Variants in GRID2 observed in about 807,000 individuals in gnomAD.
GRID2 encodes the protein glutamate ionotropic receptor delta type subunit 2, also known as glutamate receptor ionotropic, delta-2.
Under a neutral mutation model 114.8 loss-of-function variants are expected in GRID2, and 33 were observed. That is an observed-to-expected ratio of 0.29 (90% CI 0.22 to 0.38). The LOEUF is 0.38. GRID2 is among the 10% of genes least tolerant of loss of function. The pLI, the probability that GRID2 is intolerant of heterozygous loss-of-function variation, is 1.00. For missense variants in GRID2, 1,184 were observed against 1,257.7 expected, an observed-to-expected ratio of 0.94 and a Z score of 0.89; for synonymous variants, 505 against 449.9, an observed-to-expected ratio of 1.12 and a Z score of -1.55.
At chr4:92,321,374 G>A (rs115652550) in intron 1 of GRID2, among the ~76,000 whole-genome samples, 1,731 of 152,256 alleles carry the variant, frequency 0.011, 22 homozygotes, top group African/African-American at 0.039. Flanking sequence ...TTGTGTGTGC[G>A]CAAAAACACT....
chr4:93,061,866 C>T (rs952837509), intron 2 of GRID2, among the ~76,000 whole-genome samples: 7 of 152,108 alleles, frequency 4.6e-5, no homozygotes, highest in African/African-American at 1.7e-4. Context: ...CTTCTATTCT[C>T]CAGTCAAGTG....
At chr4:93,508,517 A>G (rs1728868130) in intron 12 of GRID2, among the ~76,000 whole-genome samples, 1 of 152,120 alleles carries the variant, frequency 6.6e-6, no homozygotes, top group African/African-American at 2.4e-5. Context: ...TTTTAACTAC[A>G]AATACTTCTG....
chr4:93,235,979 A>G (rs992881822), intron 7 of GRID2, among the ~76,000 whole-genome samples: 1 of 152,060 alleles, frequency 6.6e-6, no homozygotes, highest in African/African-American at 2.4e-5. Flanking sequence ...TTTCGTATAA[A>G]TAAGCTACTA....
chr4:93,661,395 A>G (rs1723478897), intron 14 of GRID2, among the ~76,000 whole-genome samples: 1 of 151,932 alleles, frequency 6.6e-6, no homozygotes, highest in Admixed American at 6.6e-5. Context: ...TTAGTTGGTG[A>G]CTTTGCTTTT....
Position 92,704,723 on chromosome 4 carries a change from TTCTCTCTCTCTC to T in GRID2, c.244+114448_244+114459del, listed in dbSNP as rs373207037. On this transcript the variant is annotated intron_variant, in intron 2 of 15. Transcript: ENST00000282020. ...TCAATCTCTCTCTCTCTCTCTCTCTTTCTCTCTCTCTCTCTCTCTCTCCCTCCCTCTCTCCCT... is the reference window on the plus strand; with the variant it reads ...TCAATCTCTCTCTCTCTCTCTCTCTTTCTCTCTCTCCCTCCCTCTCTCCCT... Among the ~76,000 whole-genome samples, 8 of 90,050 alleles carry T rather than the reference TTCTCTCTCTCTC, an allele frequency of 8.9e-5. No homozygotes were observed. In the Admixed American group the frequency reaches 9.9e-4, roughly 11 times the overall value. 59.1% of individuals were successfully genotyped at this position (90,050 alleles called of 152,430 possible).
chr4:92,759,085 T>C (rs1176308525), intron 2 of GRID2, among the ~76,000 whole-genome samples: 1 of 152,208 alleles, frequency 6.6e-6, no homozygotes, highest in Admixed American at 6.5e-5. Flanking sequence ...GATTGTCTAC[T>C]CTAGGGACGG....
chr4:93,594,589 G>C (rs1271575384), intron 13 of GRID2, among the ~76,000 whole-genome samples: 5 of 152,178 alleles, frequency 3.3e-5, no homozygotes, highest in African/African-American at 4.8e-5. Context: ...CACCCAGTTC[G>C]AGCTTCCAGG....
At chr4:93,122,401 T>A (rs1733857540) in intron 4 of GRID2, among the ~76,000 whole-genome samples, 2 of 152,196 alleles carry the variant, frequency 1.3e-5, no homozygotes, top group Admixed American at 1.3e-4. Context: ...AGTTGATTAG[T>A]GTATTTGAAA....
At chr4:93,703,303 G>A (rs1023733249) in intron 14 of GRID2, among the ~76,000 whole-genome samples, 2 of 152,050 alleles carry the variant, frequency 1.3e-5, no homozygotes, top group Non-Finnish European at 2.9e-5. Flanking sequence ...TATAAGGTAC[G>A]TGAGATGTTT....
intron 1 of GRID2, among the ~76,000 whole-genome samples, chr4:92,381,758 A>G (rs1021875153): frequency 1.3e-5 from 2 of 151,974 alleles, no homozygotes; most frequent in Non-Finnish European, 1.5e-5. Context: ...TGAAATCTGA[A>G]CTGAACTCTG....
At chr4:92,486,224 G>A (rs1214054678) in intron 1 of GRID2, among the ~76,000 whole-genome samples, 10 of 150,980 alleles carry the variant, frequency 6.6e-5, no homozygotes, top group African/African-American at 1.5e-4. Context: ...ATAGCTGACC[G>A]GTAATCACCT....
At chr4:93,582,608 C>A (rs1486760726) in intron 13 of GRID2, among the ~76,000 whole-genome samples, 1 of 152,128 alleles carries the variant, frequency 6.6e-6, no homozygotes, top group Non-Finnish European at 1.5e-5. Flanking sequence ...TCATCTCAGA[C>A]ATTTGCCTAA....
At chr4:93,794,496 C>T (rs1019568133) in intron 1 of GRID2, among the ~76,000 whole-genome samples, 15 of 152,240 alleles carry the variant, frequency 9.9e-5, no homozygotes, top group Admixed American at 5.9e-4. Context: ...CCAGGCGCCA[C>T]GGCACCTCCA....
Position 92,667,585 on chromosome 4 carries a change from C to T in GRID2, c.244+77299C>T, listed in dbSNP as rs77442819. On this transcript the variant is annotated intron_variant, in intron 2 of 15. Transcript: ENST00000282020. ...AGACTCTAGAAAGGTCCTCCATATG[C>T]GCTACTCAATGCATACTTCTTACTT... Among the ~76,000 whole-genome samples the T allele has an allele frequency of 3.9e-3, 594 of 151,606 alleles. 7 individuals carry two copies. The highest frequency in any genetic ancestry group is 0.013 in the African/African-American group (549 of 41,432).
intron 2 of GRID2, among the ~76,000 whole-genome samples, chr4:92,744,328 A>G (rs1305207718): frequency 6.6e-6 from 1 of 151,878 alleles, no homozygotes; most frequent in Non-Finnish European, 1.5e-5. Flanking sequence ...TCTCTACTAA[A>G]AGTACAAAAA....
Position 93,422,889 on chromosome 4 carries a change from A to G in GRID2, c.1466A>G (p.Tyr489Cys). 1.2e-6 allele frequency: 2 copies of G among 1,613,572 alleles called. No homozygotes were observed. The highest frequency in any genetic ancestry group is 1.7e-6 in the Non-Finnish European group (2 of 1,179,518). The change falls in exon 10 of 16, where the codon TAC becomes TGC. Residue 489 changes from tyrosine (Y) to cysteine (C), a missense_variant. Transcript: ENST00000282020. Reference sequence around the variant, plus strand: ...TACCTGGGTTTTAACTACGAAATTTACGTAGCACCGGATCACAAATACGGA... The same window carrying G: ...TACCTGGGTTTTAACTACGAAATTTGCGTAGCACCGGATCACAAATACGGA... ...SNYLGFNYEI[Y>C]VAPDHKYGSP... is the part of the protein sequence containing the mutation.
intron 2 of GRID2, among the ~76,000 whole-genome samples, chr4:92,770,540 A>G (rs1000884401): frequency 6.6e-6 from 1 of 152,180 alleles, no homozygotes; most frequent in Admixed American, 6.5e-5. Context: ...TGGACAATTC[A>G]TAAAATAAAG....
intron 2 of GRID2, among the ~76,000 whole-genome samples, chr4:92,991,513 C>A (rs1027357756): frequency 6.6e-6 from 1 of 152,262 alleles, no homozygotes; most frequent in Non-Finnish European, 1.5e-5. Flanking sequence ...TGTTTAACCA[C>A]CCAAAGGGTA....
intron 2 of GRID2, among the ~76,000 whole-genome samples, chr4:93,075,989 C>T (rs372770741): frequency 2.7e-4 from 39 of 145,380 alleles, no homozygotes; most frequent in African/African-American, 6.2e-4. Flanking sequence ...CTGCAAGCTC[C>T]GCCTCCTGGG....
Sources: allele counts gnomAD v4.1 joint callset (sites outside exome capture counted in the v4.1 genomes callset), GRCh38; gene constraint gnomAD v4.1.1; transcripts MANE v1.5; gene names NCBI Gene and HGNC (gene_info 2026-07-23, HGNC 2026-07-21).